Variants in ZFHX3 observed in about 807,000 individuals in gnomAD.
ZFHX3 encodes zinc finger homeobox protein 3.
ZFHX3 carries 42 observed loss-of-function variants against 279.1 expected under a neutral mutation model. The observed-to-expected ratio is 0.15, with a 90% CI of 0.12 to 0.19. The LOEUF (loss-of-function observed/expected upper bound fraction) is 0.19, where lower values mean the gene tolerates loss of function less well. Ranked by LOEUF, ZFHX3 falls within the 10% of genes least tolerant of loss-of-function variation. The probability of loss-of-function intolerance (pLI) is 1.00; values close to 1 mark genes in which losing one functional copy is unlikely to be tolerated. For missense variants in ZFHX3, 4,981 were observed against 4,754.0 expected, an observed-to-expected ratio of 1.05 and a Z score of -1.40; for synonymous variants, 2,293 against 1,957.8, an observed-to-expected ratio of 1.17 and a Z score of -4.52.
intron 5 of ZFHX3, among the ~76,000 whole-genome samples, chr16:73,227,692 T>C (rs1051076700): frequency 6.6e-6 from 1 of 151,104 alleles, no homozygotes; most frequent in Non-Finnish European, 1.5e-5. Flanking sequence ...CTACTAAAAA[T>C]CCAAAAATTA....
rs772281809 is a variant in ZFHX3 at position 72,795,608 on chromosome 16, C to CTCCTCA, written c.7068_7073dup (p.Asp2356_Glu2357dup). 9.9e-6 allele frequency: 16 copies of CTCCTCA among 1,613,690 alleles called. No individual in the cohort carries two copies. The highest frequency in any genetic ancestry group is 1.4e-5 in the Non-Finnish European group (16 of 1,179,906). On this transcript the variant is annotated inframe_insertion, in exon 9 of 10. Transcript: ENST00000268489. ...CCTCATTTTGGCTGTCGTCCTGCCCCTCCTCATCCTCATCCTTGTAACACA... is the reference window on the plus strand; with the variant it reads ...CCTCATTTTGGCTGTCGTCCTGCCCCTCCTCATCCTCATCCTCATCCTTGTAACACA...
At chr16:73,084,265 A>C (rs1338274509) in intron 8 of ZFHX3, among the ~76,000 whole-genome samples, 1 of 152,230 alleles carries the variant, frequency 6.6e-6, no homozygotes, top group African/African-American at 2.4e-5. Flanking sequence ...AGAGAAAGAA[A>C]TAAAGTGCAT....
intron 4 of ZFHX3, among the ~76,000 whole-genome samples, chr16:73,269,739 T>G (rs541283797): frequency 2.0e-4 from 30 of 152,150 alleles, no homozygotes; most frequent in African/African-American, 6.0e-4. Context: ...TATATTTTTC[T>G]TTTTTGCTTT....
At chr16:73,576,204 T>C (rs914056088) in intron 2 of ZFHX3, among the ~76,000 whole-genome samples, 1 of 152,204 alleles carries the variant, frequency 6.6e-6, no homozygotes, top group African/African-American at 2.4e-5. Context: ...CAGGACTCCG[T>C]AATCTGTACA....
At chr16:73,581,021 G>T (rs2051855814) in intron 2 of ZFHX3, among the ~76,000 whole-genome samples, 1 of 151,512 alleles carries the variant, frequency 6.6e-6, no homozygotes. Context: ...CTGGACACAA[G>T]GTGTGTTCAT....
At chr16:73,469,534 G>A (rs2018626948) in intron 2 of ZFHX3, among the ~76,000 whole-genome samples, 1 of 152,048 alleles carries the variant, frequency 6.6e-6, no homozygotes, top group Non-Finnish European at 1.5e-5. Context: ...CTGTCTTCTT[G>A]AGCAGAAGTT....
intron 3 of ZFHX3, among the ~76,000 whole-genome samples, chr16:73,358,083 G>T (rs6563952): frequency 6.6e-6 from 1 of 152,006 alleles, no homozygotes; most frequent in East Asian, 1.9e-4. Context: ...TGGGCATGGA[G>T]CTGGGCTAAC....
chr16:73,643,155 A>G (rs571119206), intron 2 of ZFHX3, among the ~76,000 whole-genome samples: 2 of 152,336 alleles, frequency 1.3e-5, no homozygotes, highest in South Asian at 2.1e-4. Context: ...TAGGCAAAAC[A>G]GTTTGAAGTC....
intron 3 of ZFHX3, among the ~76,000 whole-genome samples, chr16:73,396,060 T>C (rs958703640): frequency 6.6e-6 from 1 of 152,186 alleles, no homozygotes; most frequent in African/African-American, 2.4e-5. Flanking sequence ...GCCAGGGCCT[T>C]AGAGGAATGT....
intron 4 of ZFHX3, among the ~76,000 whole-genome samples, chr16:73,282,309 C>T (rs1165187728): frequency 1.3e-5 from 2 of 152,172 alleles, no homozygotes; most frequent in African/African-American, 2.4e-5. Flanking sequence ...GCCTAGAAAT[C>T]TAAACAATTT....
In ZFHX3 at chr16:73,315,226, A is replaced by G. The variant is rs1274302547; in HGVS notation, c.-1194+3014T>C. Reference sequence around the variant, plus strand: ...AAAACTCCATCTCAAAAAGAAAAAAAAAAAAAAGAAAAAAGAGCATTTAAT... The same window carrying G: ...AAAACTCCATCTCAAAAAGAAAAAAGAAAAAAAGAAAAAAGAGCATTTAAT... On this transcript the variant is annotated intron_variant, in intron 4 of 17. Transcript: ENST00000641206. 4.6e-5 allele frequency among the ~76,000 whole-genome samples: 7 copies of G among 152,012 alleles called. No homozygotes were observed. The South Asian group carries it at 1.0e-3, about 23-fold the overall frequency.
At chr16:72,829,993 T>G (rs934541764) in intron 4 of ZFHX3, 134 bp from the exon 5 acceptor site, 16 of 871,734 alleles carry the variant, frequency 1.8e-5, no homozygotes, top group Non-Finnish European at 2.7e-5. Context: ...CAGAGGCCCC[T>G]GGGAGACTGA....
chr16:73,632,446 G>C (rs2052483155), intron 2 of ZFHX3, among the ~76,000 whole-genome samples: 2 of 152,108 alleles, frequency 1.3e-5, no homozygotes, highest in African/African-American at 2.4e-5. Flanking sequence ...ACTTTGGGAG[G>C]CTGGGGCAGG....
chr16:72,819,015 T>C (rs2036700124), intron 5 of ZFHX3, among the ~76,000 whole-genome samples: 1 of 152,224 alleles, frequency 6.6e-6, no homozygotes, highest in East Asian at 1.9e-4. Flanking sequence ...GTCAGCACTT[T>C]AAAAATCCAG....
At chr16:72,877,507 G>A (rs7197197) in intron 4 of ZFHX3, among the ~76,000 whole-genome samples, 93,343 of 152,018 alleles carry the variant, frequency 0.61, 29,333 homozygotes, top group African/African-American at 0.75. Flanking sequence ...GAGAATCTCA[G>A]TTTGCCTTAG....
chr16:73,392,073 C>G (rs765498348), intron 3 of ZFHX3, among the ~76,000 whole-genome samples: 4 of 151,972 alleles, frequency 2.6e-5, no homozygotes, highest in African/African-American at 4.8e-5. Flanking sequence ...GAGCTGGGCC[C>G]TCATTTTTCA....
At chr16:73,683,020 G>GAAA (rs1567550878) in intron 1 of ZFHX3, among the ~76,000 whole-genome samples, 42 of 150,266 alleles carry the variant, frequency 2.8e-4, no homozygotes, top group African/African-American at 1.0e-3. Context: ...AGAGAAAGGA[G>GAAA]GGAGGGAGGG....
rs141981471 is a variant in ZFHX3 at position 73,824,321 on chromosome 16, GC to G, written c.-1608+67329del. Reference sequence around the variant, plus strand: ...GGTCTGAACTTTTTATAAAGCAAATGCCCTTTTCTTAATAATCTCCAAAACA... The same window carrying G: ...GGTCTGAACTTTTTATAAAGCAAATGCCTTTTCTTAATAATCTCCAAAACA... On this transcript the variant is annotated intron_variant, in intron 1 of 17. Transcript: ENST00000641206. Among the ~76,000 whole-genome samples, 367 of 149,232 alleles carry G rather than the reference GC, an allele frequency of 2.5e-3. 3 individuals are homozygous for G. Among genetic ancestry groups the G allele is most frequent in the African/African-American group, 8.6e-3 (346 of 40,332 alleles).
At chr16:73,544,143 G>A (rs1325349095) in intron 2 of ZFHX3, 2 of 152,150 alleles carry the variant, frequency 1.3e-5, no homozygotes, top group African/African-American at 4.8e-5. Context: ...ACACTGCACC[G>A]GGAATTATTC....
Sources: allele counts gnomAD v4.1 joint callset (sites outside exome capture counted in the v4.1 genomes callset), GRCh38; gene constraint gnomAD v4.1.1; transcripts MANE v1.5; gene names NCBI Gene and HGNC (gene_info 2026-07-23, HGNC 2026-07-21).